Variants in ANO6 observed in about 807,000 individuals in gnomAD.
ANO6 encodes anoctamin-6.
A neutral mutation model predicts 117.5 loss-of-function variants in ANO6; 106 were observed. The ratio of observed to expected loss-of-function variants is 0.90; its 90% CI spans 0.77 to 1.06. The LOEUF (loss-of-function observed/expected upper bound fraction) is 1.06, where lower values mean the gene tolerates loss of function less well. Among genes scored for constraint, ANO6 ranks in the 50% least tolerant of loss-of-function variants. The pLI is 0.00. For synonymous variants in ANO6, 367 were observed against 385.1 expected, an observed-to-expected ratio of 0.95 and a Z score of 0.55; for missense variants, 955 against 1,121.1, an observed-to-expected ratio of 0.85 and a Z score of 2.12.
intron 12 of ANO6, among the ~76,000 whole-genome samples, chr12:45,390,872 A>G (rs1233992961): frequency 6.6e-6 from 1 of 152,220 alleles, no homozygotes; most frequent in Non-Finnish European, 1.5e-5. Context: ...CTATAATCCA[A>G]GCACCTTGGG....
Position 45,246,657 on chromosome 12 carries a change from T to G in ANO6, c.70+30266T>G, listed in dbSNP as rs554380871. Reference sequence around the variant, plus strand: ...ATGTAGACTTGTTTCCCTGAAAATGTTTACAAGTAGACAAGGAGTGATCAG... The same window carrying G: ...ATGTAGACTTGTTTCCCTGAAAATGGTTACAAGTAGACAAGGAGTGATCAG... On this transcript the variant is annotated intron_variant, in intron 1 of 19. Coordinates refer to ENST00000320560, the MANE Select transcript of ANO6 (RefSeq NM_001025356.3). 2.0e-5 allele frequency among the ~76,000 whole-genome samples: 3 copies of G among 152,296 alleles called. No homozygotes were observed. In the South Asian group the frequency reaches 6.2e-4, roughly 32 times the overall value.
At position 45,430,900 on chromosome 12, in the gene ANO6, T is replaced by TGG. The variant is rs1212517628; in HGVS notation, c.*1591_*1592dup. 1 of 985,282 alleles carries TGG rather than the reference T, an allele frequency of 1.0e-6. No homozygotes were observed. Among genetic ancestry groups the TGG allele is most frequent in the Admixed American group, 6.2e-5 (1 of 16,256 alleles). 61.0% of individuals were successfully genotyped at this position (985,282 alleles called of 1,614,324 possible). On this transcript the variant is annotated 3_prime_UTR_variant, in exon 20 of 20. Transcript: ENST00000320560. The stretch of plus-strand genomic sequence containing the variant: ...TGATTTGCATCATGGTCATGCTGCA[T>TGG]GGGCTTCACTGGGATGCTGTTAAAC...
intron 1 of ANO6, among the ~76,000 whole-genome samples, chr12:45,256,237 C>A (rs1937823561): frequency 6.6e-6 from 1 of 152,110 alleles, no homozygotes; most frequent in Non-Finnish European, 1.5e-5. Flanking sequence ...CAGAGATGAC[C>A]AAATATGAAG....
chr12:45,373,624 C>T (rs370360025), intron 9 of ANO6, among the ~76,000 whole-genome samples: 7 of 151,978 alleles, frequency 4.6e-5, no homozygotes, highest in Admixed American at 1.3e-4. Context: ...GGGTACATAA[C>T]GAAATGAAGG....
chr12:45,415,301 T>A (rs1310608365), intron 16 of ANO6, among the ~76,000 whole-genome samples: 1 of 152,218 alleles, frequency 6.6e-6, no homozygotes, highest in Non-Finnish European at 1.5e-5. Context: ...TTTGTTGTCA[T>A]TATAAATGGT....
chr12:45,264,656 CTG>C (rs1257574688), intron 1 of ANO6, among the ~76,000 whole-genome samples: 1 of 152,090 alleles, frequency 6.6e-6, no homozygotes, highest in East Asian at 1.9e-4. Context: ...TGAAACCTGA[CTG>C]TGGATACATA....
intron 1 of ANO6, among the ~76,000 whole-genome samples, chr12:45,232,317 A>G (rs970356626): frequency 2.6e-5 from 4 of 152,228 alleles, no homozygotes; most frequent in East Asian, 3.8e-4. Flanking sequence ...TGAGCAACAA[A>G]GAAGACTGAA....
chr12:45,299,946 G>C (rs567716124), intron 1 of ANO6, among the ~76,000 whole-genome samples: 1 of 152,124 alleles, frequency 6.6e-6, no homozygotes, highest in African/African-American at 2.4e-5. Flanking sequence ...AACTGAATTG[G>C]CTAAATTATT....
chr12:45,328,818 G>A (rs1179447996), intron 2 of ANO6, among the ~76,000 whole-genome samples: 2 of 151,996 alleles, frequency 1.3e-5, no homozygotes, highest in African/African-American at 2.4e-5. Flanking sequence ...AAATTGTAGA[G>A]AGCCCCATGT....
chr12:45,287,451 C>G (rs984788455), intron 1 of ANO6, among the ~76,000 whole-genome samples: 3 of 152,098 alleles, frequency 2.0e-5, no homozygotes, highest in African/African-American at 7.2e-5. Flanking sequence ...GAATGTAATG[C>G]GTTCATATAT....
At chr12:45,276,144 A>G (rs990629103) in intron 1 of ANO6, among the ~76,000 whole-genome samples, 3 of 152,148 alleles carry the variant, frequency 2.0e-5, no homozygotes, top group Non-Finnish European at 4.4e-5. Flanking sequence ...AGAAACCTGT[A>G]TATCATCCTT....
At chr12:45,325,348 C>T (rs1940425207) in intron 2 of ANO6, among the ~76,000 whole-genome samples, 1 of 152,048 alleles carries the variant, frequency 6.6e-6, no homozygotes, top group South Asian at 2.1e-4. Context: ...CTCACAGGGT[C>T]AAAAAAGCTT....
At chr12:45,301,778 C>A (rs1939497515) in intron 1 of ANO6, among the ~76,000 whole-genome samples, 1 of 152,122 alleles carries the variant, frequency 6.6e-6, no homozygotes, top group Non-Finnish European at 1.5e-5. Context: ...GTAGACCTTG[C>A]CTAGAGAATT....
intron 9 of ANO6, among the ~76,000 whole-genome samples, chr12:45,376,739 T>A (rs1003772211): frequency 1.3e-5 from 2 of 149,400 alleles, no homozygotes; most frequent in Non-Finnish European, 3.0e-5. Flanking sequence ...CATTGGGAGG[T>A]ATACCTAATG....
chr12:45,292,951 A>G (rs1206152785), intron 1 of ANO6: 1 of 1,551,174 alleles, frequency 6.4e-7, no homozygotes, highest in Non-Finnish European at 8.7e-7. Context: ...ACATGTTCCT[A>G]TTTGGTGAGT....
chr12:45,394,636 C>T (rs1423601483), intron 12 of ANO6, among the ~76,000 whole-genome samples: 1 of 152,220 alleles, frequency 6.6e-6, no homozygotes, highest in East Asian at 1.9e-4. Flanking sequence ...GAAATCACAA[C>T]AAACTGTCTC....
chr12:45,375,129 T>C (rs1021693145), intron 9 of ANO6, among the ~76,000 whole-genome samples: 5 of 152,092 alleles, frequency 3.3e-5, no homozygotes, highest in Non-Finnish European at 5.9e-5. Context: ...ATAAAATACC[T>C]AGGAATCCAA....
chr12:45,301,716 T>C (rs1939495627), intron 1 of ANO6, among the ~76,000 whole-genome samples: 2 of 152,170 alleles, frequency 1.3e-5, no homozygotes, highest in Non-Finnish European at 2.9e-5. Context: ...TGTTTCTTAG[T>C]TAGACTTTTG....
In ANO6 at chr12:45,401,892, C is replaced by T. The variant is rs761799537; in HGVS notation, c.1484C>T (p.Thr495Ile). ...AAACTTCCCAAGAACATTAATGGAA[C>T]AGACCCAATCCAGAAATACCTGACT... The part of the protein sequence containing the change: ...SAKLPKNING[T>I]DPIQKYLTPQ... The change falls in exon 13 of 20, where the codon ACA becomes ATA. Residue 495 changes from threonine to isoleucine, a missense_variant. By Grantham distance (89) the Thr-to-Ile change is moderately conservative. Transcript: ENST00000320560. The T allele has an allele frequency of 6.2e-7, 1 of 1,614,070 alleles. No homozygotes were observed. The highest frequency in any genetic ancestry group is 1.1e-5 in the South Asian group (1 of 91,078).
Sources: allele counts gnomAD v4.1 joint callset (sites outside exome capture counted in the v4.1 genomes callset), GRCh38; gene constraint gnomAD v4.1.1; transcripts MANE v1.5; gene names NCBI Gene and HGNC (gene_info 2026-07-23, HGNC 2026-07-21).